Variants in ANGPT2 observed in about 807,000 individuals in gnomAD.
ANGPT2 encodes the protein angiopoietin-2.
ANGPT2 carries 28 observed loss-of-function variants against 62.9 expected under a neutral mutation model. The ratio of observed to expected loss-of-function variants is 0.44; its 90% CI spans 0.33 to 0.61. ANGPT2 has a LOEUF of 0.61. Ranked by LOEUF, ANGPT2 falls within the 20% of genes least tolerant of loss-of-function variation. The pLI is 0.03. For missense variants in ANGPT2, 727 were observed against 594.9 expected (o/e 1.22, Z -2.31); for synonymous variants, 284 against 207.8 (o/e 1.37, Z -3.15).
At chr8:6,533,447 C>T (rs1819908981) in intron 1 of ANGPT2, among the ~76,000 whole-genome samples, 1 of 152,058 alleles carries the variant, frequency 6.6e-6, no homozygotes, top group African/African-American at 2.4e-5. Context: ...CTTTTGGGAC[C>T]CTAGTTTCCT....
intron 5 of ANGPT2, among the ~76,000 whole-genome samples, chr8:6,518,129 C>G (rs991449811): frequency 3.9e-5 from 6 of 152,154 alleles, no homozygotes; most frequent in Non-Finnish European, 8.8e-5. Flanking sequence ...TGCACTTAGA[C>G]TGAGAAACAT....
intron 3 of ANGPT2, among the ~76,000 whole-genome samples, chr8:6,524,732 G>A (rs746885110): frequency 1.1e-4 from 16 of 152,352 alleles, no homozygotes; most frequent in Non-Finnish European, 5.9e-5. Flanking sequence ...ACAAGGCTAT[G>A]AATGTCTCCC....
At chr8:6,508,388 C>A (rs1814218157) in intron 8 of ANGPT2, 1 of 154,680 alleles carries the variant, frequency 6.5e-6, no homozygotes. Context: ...GCAGGGGTTG[C>A]AGTGAGCTGC....
chr8:6,503,321 G>T (rs1812574235), intron 8 of ANGPT2, 60 bp from the exon 9 acceptor site: 4 of 1,584,720 alleles, frequency 2.5e-6, no homozygotes, highest in Non-Finnish European at 3.5e-6. Flanking sequence ...CCACCACGAA[G>T]ACAGCAATAC....
intron 7 of ANGPT2, among the ~76,000 whole-genome samples, chr8:6,509,318 G>A (rs1814459947): frequency 1.3e-5 from 2 of 152,200 alleles, no homozygotes; most frequent in South Asian, 2.1e-4. Context: ...AGCGACTGTA[G>A]AGCCCTGTAA....
intron 3 of ANGPT2, among the ~76,000 whole-genome samples, chr8:6,525,460 C>T (rs1818167808): frequency 1.3e-5 from 2 of 152,176 alleles, no homozygotes; most frequent in Admixed American, 1.3e-4. Flanking sequence ...AAACTCCTGG[C>T]CTCAAGAAAT....
chr8:6,531,544 G>A (rs1182730258), intron 2 of ANGPT2, among the ~76,000 whole-genome samples: 7 of 152,026 alleles, frequency 4.6e-5, no homozygotes, highest in Non-Finnish European at 8.8e-5. Context: ...CACCCATCTC[G>A]GCCTCCCAAA....
In ANGPT2 at chr8:6,502,392, C is replaced by T. The variant is rs572271009; in HGVS notation, c.*709G>A. The T allele has an allele frequency of 1.2e-4, 18 of 151,994 alleles. No individual in the cohort carries two copies. The highest frequency in any genetic ancestry group is 2.9e-4 in the African/African-American group (12 of 41,386). The allele number at this position is 151,994 out of a possible 1,614,324, so 9.4% of individuals were successfully genotyped here. On this transcript the variant is annotated 3_prime_UTR_variant, in exon 9 of 9. Coordinates refer to ENST00000629816, the MANE Select transcript of ANGPT2 (RefSeq NM_001118887.2). The stretch of plus-strand genomic sequence containing the variant: ...GGTCTGCATATAAACTAAAATGGCA[C>T]GTTTCTGTTGATAATTTCAGAGATT...
chr8:6,542,453 T>G (rs1033413957), intron 1 of ANGPT2, among the ~76,000 whole-genome samples: 3 of 152,134 alleles, frequency 2.0e-5, no homozygotes, highest in African/African-American at 7.2e-5. Context: ...CTTTAGACCC[T>G]GTAATATTGT....
At chr8:6,516,269 A>G (rs770135906) in intron 5 of ANGPT2, among the ~76,000 whole-genome samples, 7 of 152,166 alleles carry the variant, frequency 4.6e-5, no homozygotes, top group Non-Finnish European at 8.8e-5. Flanking sequence ...TCATCCAAGT[A>G]CTCTGCCAGA....
intron 1 of ANGPT2, among the ~76,000 whole-genome samples, chr8:6,535,828 G>C (rs998826652): frequency 2.0e-5 from 3 of 151,636 alleles, no homozygotes; most frequent in Admixed American, 6.6e-5. Flanking sequence ...CAGGAGGATT[G>C]CTTGCTCTCA....
chr8:6,523,717 G>C (rs1285631136), intron 3 of ANGPT2, among the ~76,000 whole-genome samples: 1 of 152,096 alleles, frequency 6.6e-6, no homozygotes, highest in African/African-American at 2.4e-5. Flanking sequence ...AGCCTCCTGA[G>C]TAGTTAGGAT....
At position 6,562,731 on chromosome 8, in the gene ANGPT2, G is replaced by A. The variant is rs781034722; in HGVS notation, c.204C>T (p.Asp68=). 8 of 1,613,484 alleles carry A rather than the reference G, an allele frequency of 5.0e-6. No individual in the cohort carries two copies. The Admixed American group carries it at 1.0e-4, about 20-fold the overall frequency. ...CCGAGTCATCGTATTCGAGCGGCGC[G>A]TCCCTCTGCACAGCATTGGACACGT... ...SPYVSNAVQR[D]APLEYDDSVQ... The change falls in exon 1 of 9, where the codon GAC becomes GAT. Residue 68 remains aspartate (D), a synonymous_variant. Coordinates refer to ENST00000629816, the MANE Select transcript of ANGPT2 (RefSeq NM_001118887.2).
chr8:6,557,960 ACGTCCTCCCCCT>A (rs1252538994), intron 1 of ANGPT2, among the ~76,000 whole-genome samples: 1 of 152,102 alleles, frequency 6.6e-6, no homozygotes, highest in Admixed American at 6.5e-5. Flanking sequence ...CAGTTGTGCC[ACGTCCTCCCCCT>A]CTTCCTCATC....
intron 8 of ANGPT2, 147 bp downstream of exon 8, chr8:6,508,783 AAC>A: frequency 8.6e-7 from 1 of 1,159,816 alleles, no homozygotes; most frequent in South Asian, 1.3e-5. Flanking sequence ...AAAAGTGAAA[AAC>A]ACATTTACCT....
At chr8:6,544,442 C>G (rs1822173541) in intron 1 of ANGPT2, among the ~76,000 whole-genome samples, 1 of 152,154 alleles carries the variant, frequency 6.6e-6, no homozygotes. Context: ...CCAAGACCTC[C>G]TAACCCAAAA....
Position 6,555,927 on chromosome 8 carries a change from A to C in ANGPT2, c.288+6720T>G, listed in dbSNP as rs139564523. Among the ~76,000 whole-genome samples, 653 of 152,260 alleles carry C rather than the reference A, an allele frequency of 4.3e-3. 13 individuals are homozygous for C. The highest frequency in any genetic ancestry group is 0.015 in the African/African-American group (609 of 41,546). ...TCCTAGCAGCTTCAGCACCATCCTC[A>C]CATAGAAGGGCTGGCATCTCACCTA... On this transcript the variant is annotated intron_variant, in intron 1 of 8. Transcript: ENST00000629816.
chr8:6,553,909 A>G (rs571738315), intron 1 of ANGPT2, among the ~76,000 whole-genome samples: 2 of 152,244 alleles, frequency 1.3e-5, no homozygotes, highest in South Asian at 2.1e-4. Context: ...GCTGTTGAAT[A>G]TAACTACCAA....
Position 6,563,205 on chromosome 8 carries a change from C to T in ANGPT2, c.-271G>A, listed in dbSNP as rs143645010. On this transcript the variant is annotated 5_prime_UTR_variant, in exon 1 of 9. In the 5' UTR this introduces an upstream ATG that the reference lacks. Transcript: ENST00000629816. ...GTCAGCTTTTACAGAGCAGCTTTCA[C>T]GGTCCTTTGTTCCTCTCTCCCCAGA... is the stretch of plus-strand genomic sequence containing the variant. The T allele has an allele frequency of 1.3e-4, 40 of 297,242 alleles. No individual in the cohort carries two copies. Among genetic ancestry groups the T allele is most frequent in the African/African-American group, 4.3e-4 (21 of 48,280 alleles). The allele number at this position is 297,242 out of a possible 1,614,324, so 18.4% of individuals were successfully genotyped here.
Sources: allele counts gnomAD v4.1 joint callset (sites outside exome capture counted in the v4.1 genomes callset), GRCh38; gene constraint gnomAD v4.1.1; transcripts MANE v1.5; gene names NCBI Gene and HGNC (gene_info 2026-07-23, HGNC 2026-07-21).